The following TMEM108 variants were observed in gnomAD, a reference collection of about 807,000 sequenced individuals.
The protein encoded by TMEM108 is cancer/testis antigen 124.
In TMEM108, 12 loss-of-function variants were observed where a neutral mutation model predicts 35.1. That is an observed-to-expected ratio of 0.34 (90% confidence interval 0.22 to 0.55). The LOEUF is 0.55. Among genes scored for constraint, TMEM108 ranks in the 20% least tolerant of loss-of-function variants. TMEM108 has a pLI of 0.89. For missense variants in TMEM108, 680 were observed against 753.3 expected (o/e 0.90, Z 1.14); for synonymous variants, 287 against 308.6 (o/e 0.93, Z 0.73).
chr3:133,289,669 A>C (rs372875655), intron 3 of TMEM108, among the ~76,000 whole-genome samples: 1 of 152,180 alleles, frequency 6.6e-6, no homozygotes, highest in Admixed American at 6.5e-5. Flanking sequence ...CTTTAGGTAT[A>C]CATATCCCAT....
intron 3 of TMEM108, among the ~76,000 whole-genome samples, chr3:133,269,541 A>G (rs540095538): frequency 1.3e-5 from 2 of 152,180 alleles, no homozygotes; most frequent in Admixed American, 1.3e-4. Context: ...CTTCATTGGC[A>G]TATGTCCAGA....
chr3:133,322,866 T>C (rs2071284061), intron 3 of TMEM108, among the ~76,000 whole-genome samples: 1 of 152,104 alleles, frequency 6.6e-6, no homozygotes, highest in Non-Finnish European at 1.5e-5. Flanking sequence ...GTTTAACATA[T>C]ACAAATCGAT....
chr3:133,043,410 A>G (rs1359497757), intron 1 of TMEM108, among the ~76,000 whole-genome samples: 1 of 152,168 alleles, frequency 6.6e-6, no homozygotes, highest in African/African-American at 2.4e-5. Flanking sequence ...AACTTATTGA[A>G]GTTTGTAGGA....
intron 3 of TMEM108, among the ~76,000 whole-genome samples, chr3:133,379,113 G>T (rs2072927137): frequency 6.6e-6 from 1 of 152,188 alleles, no homozygotes; most frequent in Admixed American, 6.5e-5. Flanking sequence ...AGCTTATCCA[G>T]GGCCAGAGAC....
chr3:133,091,942 A>G (rs80015199), intron 2 of TMEM108, among the ~76,000 whole-genome samples: 1,532 of 152,288 alleles, frequency 0.01, 12 homozygotes, highest in African/African-American at 0.02. Flanking sequence ...GAGAAAACGC[A>G]TTATTTGGTA....
chr3:133,265,083 T>C (rs576375055), intron 3 of TMEM108, among the ~76,000 whole-genome samples: 2 of 152,342 alleles, frequency 1.3e-5, no homozygotes, highest in South Asian at 2.1e-4. Context: ...ACTGAAATGC[T>C]GAATACAGCT....
At chr3:133,045,604 T>C (rs1252253831) in intron 1 of TMEM108, among the ~76,000 whole-genome samples, 2 of 152,204 alleles carry the variant, frequency 1.3e-5, no homozygotes, top group African/African-American at 4.8e-5. Context: ...CTTCATACTG[T>C]TTTCCATTCT....
chr3:133,167,871 G>C (rs1945068156), intron 2 of TMEM108, among the ~76,000 whole-genome samples: 1 of 152,190 alleles, frequency 6.6e-6, no homozygotes, highest in South Asian at 2.1e-4. Context: ...CTCCTCAAGT[G>C]TGGCCAGAGT....
Position 133,370,921 on chromosome 3 carries a change from T to TGTGTGTGTGTGTGTGTGC in TMEM108, c.41-8830_41-8829insTGTGTGTGTGTGTGTGCG, listed in dbSNP as rs142623622. Among the ~76,000 whole-genome samples the TGTGTGTGTGTGTGTGTGC allele has an allele frequency of 6.5e-5, 9 of 139,402 alleles. 1 individual carries two copies. The highest frequency in any genetic ancestry group is 1.6e-4 in the African/African-American group (6 of 38,044). 91.5% of individuals were successfully genotyped at this position (139,402 alleles called of 152,430 possible). ...GTGTGTGTGTGTGTGTGTGTGTGTGTGCCAGGAAGCTTCATGGCCCTCCTA... is the reference window on the plus strand; with the variant it reads ...GTGTGTGTGTGTGTGTGTGTGTGTGTGTGTGTGTGTGTGTGTGCGCCAGGAAGCTTCATGGCCCTCCTA... On this transcript the variant is annotated intron_variant, in intron 3 of 5. Transcript: ENST00000321871.
intron 2 of TMEM108, among the ~76,000 whole-genome samples, chr3:133,056,915 G>A (rs1440265678): frequency 6.6e-6 from 1 of 152,144 alleles, no homozygotes; most frequent in Non-Finnish European, 1.5e-5. Context: ...TGATTGCAAA[G>A]AATACCTCTT....
intron 2 of TMEM108, among the ~76,000 whole-genome samples, chr3:133,217,696 G>A (rs9968091): frequency 0.78 from 118,508 of 151,934 alleles, 46,567 homozygotes; most frequent in East Asian, 0.95. Context: ...TCCTTTCCCT[G>A]TTAATGTGTT....
chr3:133,276,044 G>A (rs377125515), intron 3 of TMEM108, among the ~76,000 whole-genome samples: 3 of 152,276 alleles, frequency 2.0e-5, no homozygotes. Context: ...AGTGGTAATT[G>A]TCTCCAGCAA....
chr3:133,321,887 T>G (rs999148301), intron 3 of TMEM108, among the ~76,000 whole-genome samples: 8 of 152,038 alleles, frequency 5.3e-5, no homozygotes, highest in African/African-American at 1.9e-4. Flanking sequence ...CCCTCAAAAC[T>G]ATAGAAATAC....
At chr3:133,287,655 A>C (rs1947004235) in intron 3 of TMEM108, among the ~76,000 whole-genome samples, 1 of 152,182 alleles carries the variant, frequency 6.6e-6, no homozygotes, top group Non-Finnish European at 1.5e-5. Flanking sequence ...AGATTTCAAA[A>C]CATCTTCTAA....
chr3:133,303,813 C>T (rs1947264752), intron 3 of TMEM108, among the ~76,000 whole-genome samples: 1 of 152,172 alleles, frequency 6.6e-6, no homozygotes, highest in South Asian at 2.1e-4. Flanking sequence ...ATTGGAAAGA[C>T]AAATGATTCT....
chr3:133,078,121 G>C (rs1020618491), intron 2 of TMEM108, among the ~76,000 whole-genome samples: 7 of 151,836 alleles, frequency 4.6e-5, no homozygotes, highest in African/African-American at 1.7e-4. Context: ...GGCGAAAAAT[G>C]GTGGAGTTTA....
intron 2 of TMEM108, among the ~76,000 whole-genome samples, chr3:133,177,493 G>C (rs1945253153): frequency 6.6e-6 from 1 of 152,230 alleles, no homozygotes; most frequent in South Asian, 2.1e-4. Context: ...TCATCCCTGG[G>C]ATGCAAGGCT....
At chr3:133,366,663 G>A (rs144422322) in intron 3 of TMEM108, among the ~76,000 whole-genome samples, 25 of 152,296 alleles carry the variant, frequency 1.6e-4, no homozygotes, top group Admixed American at 8.5e-4. Flanking sequence ...GAATCATTCA[G>A]GTATGCAGAT....
chr3:133,344,531 T>C (rs1260577485), intron 3 of TMEM108, among the ~76,000 whole-genome samples: 3 of 151,364 alleles, frequency 2.0e-5, no homozygotes, highest in African/African-American at 7.3e-5. Flanking sequence ...AGAATGAAGA[T>C]AAATTACCTA....
Sources: allele counts gnomAD v4.1 joint callset (sites outside exome capture counted in the v4.1 genomes callset), GRCh38; gene constraint gnomAD v4.1.1; transcripts MANE v1.5; gene names NCBI Gene and HGNC (gene_info 2026-07-23, HGNC 2026-07-21).